Variants in PTPRM observed in about 807,000 individuals in gnomAD.
PTPRM encodes the protein protein tyrosine phosphatase receptor type M, also known as receptor-type tyrosine-protein phosphatase mu.
In PTPRM, 47 loss-of-function variants were observed where a neutral mutation model predicts 186.7. The ratio of observed to expected loss-of-function variants is 0.25; its 90% confidence interval spans 0.20 to 0.32. The LOEUF (loss-of-function observed/expected upper bound fraction) is 0.32, where lower values mean the gene tolerates loss of function less well. Ranked by LOEUF, PTPRM falls within the 10% of genes least tolerant of loss-of-function variation. PTPRM has a pLI of 1.00. For synonymous variants in PTPRM, 668 were observed against 674.9 expected (o/e 0.99, Z 0.16); for missense variants, 1,494 against 1,865.0 (o/e 0.80, Z 3.66).
At chr18:7,663,195 C>G (rs187252205) in intron 1 of PTPRM, among the ~76,000 whole-genome samples, 43 of 152,312 alleles carry the variant, frequency 2.8e-4, no homozygotes, top group African/African-American at 1.0e-3. Context: ...GGAAAGGTCA[C>G]GCACTCACTA....
chr18:7,693,247 G>A (rs575665270), intron 1 of PTPRM, among the ~76,000 whole-genome samples: 1 of 152,264 alleles, frequency 6.6e-6, no homozygotes, highest in South Asian at 2.1e-4. Flanking sequence ...GGTACTACTT[G>A]ATGAACACTC....
intron 1 of PTPRM, among the ~76,000 whole-genome samples, chr18:7,733,487 G>T (rs2040704864): frequency 6.6e-6 from 1 of 152,070 alleles, no homozygotes; most frequent in Admixed American, 6.6e-5. Flanking sequence ...GTCTATCAAT[G>T]ATAGGCATTT....
intron 1 of PTPRM, among the ~76,000 whole-genome samples, chr18:7,742,948 T>C (rs111966781): frequency 0.018 from 2,683 of 152,312 alleles, 87 homozygotes; most frequent in African/African-American, 0.061. Context: ...ATTAGTTAGG[T>C]GCTACATGTG....
At chr18:8,032,142 T>C (rs1249334202) in intron 7 of PTPRM, among the ~76,000 whole-genome samples, 5 of 152,200 alleles carry the variant, frequency 3.3e-5, no homozygotes, top group African/African-American at 7.2e-5. Context: ...AGCAAATACA[T>C]AGTTACAAAG....
intron 22 of PTPRM, among the ~76,000 whole-genome samples, chr18:8,341,689 C>CG (rs950036340): frequency 4.0e-5 from 6 of 151,800 alleles, no homozygotes; most frequent in Non-Finnish European, 7.4e-5. Flanking sequence ...GAAGCCCCCC[C>CG]CCCTTTGATT....
intron 19 of PTPRM, among the ~76,000 whole-genome samples, chr18:8,263,104 T>C (rs2094652281): frequency 6.6e-6 from 1 of 152,096 alleles, no homozygotes; most frequent in South Asian, 2.1e-4. Context: ...GTTTAAAAAT[T>C]TGAGGATAGA....
intron 11 of PTPRM, among the ~76,000 whole-genome samples, chr18:8,112,278 G>C (rs570560569): frequency 6.6e-6 from 1 of 152,338 alleles, no homozygotes; most frequent in South Asian, 2.1e-4. Flanking sequence ...TTTTGTTTCT[G>C]TAATAGAAGG....
intron 7 of PTPRM, among the ~76,000 whole-genome samples, chr18:7,976,198 G>A (rs939307027): frequency 1.1e-4 from 17 of 152,004 alleles, no homozygotes; most frequent in Non-Finnish European, 1.9e-4. Context: ...ATGAAAAAAA[G>A]AACGTTTCTC....
intron 7 of PTPRM, among the ~76,000 whole-genome samples, chr18:7,980,568 G>C (rs1245550687): frequency 6.6e-6 from 1 of 151,706 alleles, no homozygotes; most frequent in Admixed American, 6.6e-5. Flanking sequence ...AATTTTTGTA[G>C]GGACTGGGCC....
intron 14 of PTPRM, among the ~76,000 whole-genome samples, chr18:8,201,855 C>T (rs1279762612): frequency 2.0e-5 from 3 of 152,128 alleles, no homozygotes; most frequent in Admixed American, 6.6e-5. Context: ...ACAATTCAGT[C>T]CATAGTGCAC....
chr18:7,656,032 A>G (rs1476187073), intron 1 of PTPRM, among the ~76,000 whole-genome samples: 2 of 152,216 alleles, frequency 1.3e-5, no homozygotes, highest in Non-Finnish European at 1.5e-5. Flanking sequence ...TCAAAAAACT[A>G]AAAAGAGAAT....
Position 7,776,581 on chromosome 18 carries a change from T to C in PTPRM, c.196+2310T>C, listed in dbSNP as rs569468342. On this transcript the variant is annotated intron_variant, in intron 2 of 32. Coordinates refer to ENST00000580170, the MANE Select transcript of PTPRM (RefSeq NM_001105244.2). ...ATTGTTTTTGAGCCCCAATGTATGC[T>C]AAACATGATGGTAATTATTGTAGGA... 3.3e-5 allele frequency among the ~76,000 whole-genome samples: 5 copies of C among 152,298 alleles called. No individual in the cohort carries two copies. The South Asian group carries it at 8.3e-4, about 25-fold the overall frequency.
intron 7 of PTPRM, among the ~76,000 whole-genome samples, chr18:7,994,527 T>A (rs2083434914): frequency 6.6e-6 from 1 of 151,858 alleles, no homozygotes; most frequent in East Asian, 1.9e-4. Context: ...AGAATACACC[T>A]TCTTCTCGTC....
intron 1 of PTPRM, among the ~76,000 whole-genome samples, chr18:7,720,160 TAATA>T (rs1352980497): frequency 6.6e-6 from 1 of 152,184 alleles, no homozygotes; most frequent in African/African-American, 2.4e-5. Context: ...ATCTTCAAAT[TAATA>T]AATTTAATTC....
At chr18:7,942,755 T>G (rs1161330548) in intron 5 of PTPRM, among the ~76,000 whole-genome samples, 16 of 152,138 alleles carry the variant, frequency 1.1e-4, no homozygotes, top group East Asian at 9.6e-4. Flanking sequence ...GGGTACCATT[T>G]CCTGCACTGC....
intron 22 of PTPRM, among the ~76,000 whole-genome samples, chr18:8,322,490 C>T (rs1268502330): frequency 6.6e-6 from 1 of 152,088 alleles, no homozygotes; most frequent in Non-Finnish European, 1.5e-5. Context: ...TCTGACTGAC[C>T]AGACATTAGT....
At chr18:7,731,835 T>C (rs2040665091) in intron 1 of PTPRM, among the ~76,000 whole-genome samples, 1 of 152,220 alleles carries the variant, frequency 6.6e-6, no homozygotes, top group Non-Finnish European at 1.5e-5. Context: ...GATCACTCTC[T>C]GTTCTTGCTT....
intron 3 of PTPRM, among the ~76,000 whole-genome samples, chr18:7,900,831 A>AT (rs1195838605): frequency 6.6e-6 from 1 of 152,264 alleles, no homozygotes; most frequent in African/African-American, 2.4e-5. Flanking sequence ...ACATGGAAGT[A>AT]TACAAATAAA....
At chr18:7,844,846 G>A (rs1567905728) in intron 2 of PTPRM, among the ~76,000 whole-genome samples, 1 of 152,114 alleles carries the variant, frequency 6.6e-6, no homozygotes, top group Non-Finnish European at 1.5e-5. Flanking sequence ...GTTTCTAATG[G>A]CAGTGTCAGA....
Sources: allele counts gnomAD v4.1 joint callset (sites outside exome capture counted in the v4.1 genomes callset), GRCh38; gene constraint gnomAD v4.1.1; transcripts MANE v1.5; gene names NCBI Gene and HGNC (gene_info 2026-07-23, HGNC 2026-07-21).